ARHGAP24: variants seen among roughly 807,000 people sequenced by gnomAD.
The protein encoded by ARHGAP24 is rho GTPase-activating protein 24.
In ARHGAP24, 50 loss-of-function variants were observed where a neutral mutation model predicts 76.4. That is an observed-to-expected ratio of 0.65 (90% CI 0.52 to 0.83). The LOEUF is 0.83. Among genes scored for constraint, ARHGAP24 ranks in the 40% least tolerant of loss-of-function variants. The pLI is 0.00. For synonymous variants in ARHGAP24, 345 were observed against 323.3 expected, an observed-to-expected ratio of 1.07 and a Z score of -0.72; for missense variants, 930 against 914.2, an observed-to-expected ratio of 1.02 and a Z score of -0.22.
intron 4 of ARHGAP24, among the ~76,000 whole-genome samples, chr4:85,937,084 G>A (rs937028090): frequency 6.6e-6 from 1 of 152,158 alleles, no homozygotes; most frequent in Non-Finnish European, 1.5e-5. Context: ...GCAGAAGAGC[G>A]GCATGATCCG....
chr4:85,946,360 G>A (rs972396082), intron 5 of ARHGAP24, among the ~76,000 whole-genome samples: 8 of 151,746 alleles, frequency 5.3e-5, no homozygotes, highest in Non-Finnish European at 1.0e-4. Flanking sequence ...TTAGAATTGC[G>A]TACAGGTTTG....
rs12650390 is a variant in ARHGAP24 at position 85,941,879 on chromosome 4, G to A, written c.392-187G>A. Among the ~76,000 whole-genome samples, 30,502 of 152,052 alleles carry A rather than the reference G, an allele frequency of 0.2. 3,296 individuals are homozygous for A. The highest frequency in any genetic ancestry group is 0.39 in the South Asian group (1,894 of 4,818). Reference sequence around the variant, plus strand: ...AGAATACAAGAAACAGGCAGCATAAGGTAAATCATACCATTTGAGGAATTG... The same window carrying A: ...AGAATACAAGAAACAGGCAGCATAAAGTAAATCATACCATTTGAGGAATTG... On this transcript the variant is annotated intron_variant, in intron 4 of 9. Coordinates refer to ENST00000395184, the MANE Select transcript of ARHGAP24 (RefSeq NM_001025616.3).
intron 3 of ARHGAP24, among the ~76,000 whole-genome samples, chr4:85,804,931 T>G (rs1728727099): frequency 6.6e-6 from 1 of 152,184 alleles, no homozygotes; most frequent in South Asian, 2.1e-4. Context: ...CCACCATAGC[T>G]TTTGTTGCTT....
chr4:85,583,791 A>G (rs2109974239), intron 2 of ARHGAP24, among the ~76,000 whole-genome samples: 1 of 151,660 alleles, frequency 6.6e-6, no homozygotes, highest in East Asian at 1.9e-4. Context: ...GGACATGAAT[A>G]GACACTTCTC....
chr4:85,500,001 T>C (rs1337065236), intron 1 of ARHGAP24, among the ~76,000 whole-genome samples: 3 of 152,166 alleles, frequency 2.0e-5, no homozygotes, highest in Admixed American at 6.5e-5. Context: ...TAAGTATTTG[T>C]GATAAAATTT....
chr4:85,957,656 C>T (rs1560745443), intron 5 of ARHGAP24, among the ~76,000 whole-genome samples: 3 of 152,208 alleles, frequency 2.0e-5, no homozygotes, highest in Non-Finnish European at 1.5e-5. Flanking sequence ...TCTTTGCTAA[C>T]ACTGGGAGGC....
At chr4:85,965,464 C>T (rs546145408) in intron 5 of ARHGAP24, among the ~76,000 whole-genome samples, 6 of 152,196 alleles carry the variant, frequency 3.9e-5, no homozygotes, top group Admixed American at 1.3e-4. Context: ...ACGTTCTTTC[C>T]ACCACGTCTT....
At chr4:85,919,445 G>A (rs73833955) in intron 3 of ARHGAP24, among the ~76,000 whole-genome samples, 1,689 of 152,172 alleles carry the variant, frequency 0.011, 31 homozygotes, top group African/African-American at 0.038. Flanking sequence ...CTACATAATT[G>A]TTTAGCCACA....
chr4:85,599,842 T>G (rs930504639), intron 2 of ARHGAP24, among the ~76,000 whole-genome samples: 1 of 152,146 alleles, frequency 6.6e-6, no homozygotes, highest in Non-Finnish European at 1.5e-5. Flanking sequence ...AACTATTTTT[T>G]AAAACAAAAT....
At chr4:85,830,249 T>C (rs1209687342) in intron 3 of ARHGAP24, among the ~76,000 whole-genome samples, 5 of 152,220 alleles carry the variant, frequency 3.3e-5, no homozygotes, top group African/African-American at 1.2e-4. Flanking sequence ...GCAGTTTTGA[T>C]GTATCCCTTG....
intron 1 of ARHGAP24, among the ~76,000 whole-genome samples, chr4:85,542,827 C>A (rs11097059): frequency 0.51 from 77,688 of 151,946 alleles, 21,771 homozygotes; most frequent in Middle Eastern, 0.66. Flanking sequence ...TGGTTCTATT[C>A]TTTTACTAGC....
At chr4:85,699,215 A>G (rs917606127) in intron 2 of ARHGAP24, among the ~76,000 whole-genome samples, 1 of 152,178 alleles carries the variant, frequency 6.6e-6, no homozygotes, top group Non-Finnish European at 1.5e-5. Flanking sequence ...CTACAGCAGT[A>G]TATGTCATTT....
intron 3 of ARHGAP24, among the ~76,000 whole-genome samples, chr4:85,820,559 A>C (rs1272129103): frequency 1.3e-5 from 2 of 152,186 alleles, no homozygotes; most frequent in African/African-American, 4.8e-5. Flanking sequence ...ATGGTGAAAT[A>C]ATCTGTACAC....
chr4:85,773,074 T>C (rs1172782431), intron 3 of ARHGAP24, among the ~76,000 whole-genome samples: 3 of 152,190 alleles, frequency 2.0e-5, no homozygotes, highest in Non-Finnish European at 4.4e-5. Flanking sequence ...CACTGATATT[T>C]TTCTGTAATT....
At chr4:85,633,319 A>G (rs72982076) in intron 2 of ARHGAP24, among the ~76,000 whole-genome samples, 3,734 of 151,928 alleles carry the variant, frequency 0.025, 169 homozygotes, top group African/African-American at 0.086. Context: ...GCTTTCTTGA[A>G]TTGTTTCAGA....
At chr4:85,766,239 G>A (rs545408919) in intron 3 of ARHGAP24, among the ~76,000 whole-genome samples, 3 of 152,130 alleles carry the variant, frequency 2.0e-5, no homozygotes, top group African/African-American at 7.2e-5. Context: ...CTGGCAATCA[G>A]AGAAACTGGC....
chr4:85,697,146 T>TTA (rs1268941985), intron 2 of ARHGAP24, among the ~76,000 whole-genome samples: 2 of 152,192 alleles, frequency 1.3e-5, no homozygotes. Context: ...TGGCATGCAT[T>TTA]TATGCTGTCA....
intron 2 of ARHGAP24, among the ~76,000 whole-genome samples, chr4:85,623,128 C>T (rs1720785655): frequency 1.3e-5 from 2 of 152,112 alleles, no homozygotes; most frequent in African/African-American, 4.8e-5. Flanking sequence ...ATTTTGGCTT[C>T]TGTTGCCGTT....
chr4:85,553,227 G>GAGC (rs1466719317), intron 1 of ARHGAP24, among the ~76,000 whole-genome samples: 2 of 152,194 alleles, frequency 1.3e-5, no homozygotes, highest in Non-Finnish European at 1.5e-5. Flanking sequence ...CCCAAACAGT[G>GAGC]AGCAGCAGCA....
Sources: allele counts gnomAD v4.1 joint callset (sites outside exome capture counted in the v4.1 genomes callset), GRCh38; gene constraint gnomAD v4.1.1; transcripts MANE v1.5; gene names NCBI Gene and HGNC (gene_info 2026-07-23, HGNC 2026-07-21).